Variants in PDZRN3 observed in about 807,000 individuals in gnomAD.
PDZRN3 encodes PDZ domain containing ring finger 3.
PDZRN3 carries 38 observed loss-of-function variants against 85.7 expected under a neutral mutation model. The ratio of observed to expected loss-of-function variants is 0.44; its 90% CI spans 0.34 to 0.58. The LOEUF (loss-of-function observed/expected upper bound fraction) is 0.58. PDZRN3 is among the 20% of genes least tolerant of loss of function. The pLI, the probability that PDZRN3 is intolerant of heterozygous loss-of-function variation, is 0.01. For missense variants in PDZRN3, 1,629 were observed against 1,506.4 expected, an observed-to-expected ratio of 1.08 and a Z score of -1.35; for synonymous variants, 759 against 638.0, an observed-to-expected ratio of 1.19 and a Z score of -2.86.
In PDZRN3 at chr3:73,382,737, C is replaced by T. The variant is rs1293093068; in HGVS notation, c.*628G>A. On this transcript the variant is annotated 3_prime_UTR_variant, in exon 10 of 10. Transcript: ENST00000263666. ...TTCCATAAAGATGCAAGATATTTTG[C>T]TTTCTGCTAAAACCTTTACACTCTC... The T allele has an allele frequency of 6.6e-6, 1 of 152,652 alleles. No individual in the cohort carries two copies. The highest frequency in any genetic ancestry group is 1.5e-5 in the Non-Finnish European group (1 of 68,036). The allele number at this position is 152,652 out of a possible 1,614,324, so 9.5% of individuals were successfully genotyped here. A position where few individuals can be genotyped will look rare whatever the true frequency, so the allele number is the denominator to read the frequency against.
intron 3 of PDZRN3, among the ~76,000 whole-genome samples, chr3:73,567,821 C>T (rs965777982): frequency 6.6e-6 from 1 of 152,180 alleles, no homozygotes; most frequent in Non-Finnish European, 1.5e-5. Context: ...GTATGTCAGG[C>T]ACCTCCCTAG....
intron 2 of PDZRN3, among the ~76,000 whole-genome samples, chr3:73,604,659 A>G (rs1702567251): frequency 6.6e-6 from 1 of 152,224 alleles, no homozygotes; most frequent in African/African-American, 2.4e-5. Flanking sequence ...TGAGTTCCCT[A>G]AGAGGTGATG....
intron 3 of PDZRN3, among the ~76,000 whole-genome samples, chr3:73,457,082 CT>C (rs895419282): frequency 6.6e-6 from 1 of 151,718 alleles, no homozygotes; most frequent in African/African-American, 2.4e-5. Context: ...CCTTAGCTCA[CT>C]TTTTTTTGAG....
intron 3 of PDZRN3, among the ~76,000 whole-genome samples, chr3:73,453,667 T>C (rs1227589485): frequency 2.0e-5 from 3 of 152,050 alleles, no homozygotes; most frequent in Non-Finnish European, 2.9e-5. Flanking sequence ...ACGTTGATAT[T>C]GTAATGCAAA....
intron 4 of PDZRN3, chr3:73,402,612 T>C (rs4677274): frequency 0.75 from 114,731 of 152,200 alleles, 43,937 homozygotes; most frequent in African/African-American, 0.9. Context: ...TACCAGCTGC[T>C]GCCAAACCTA....
chr3:73,426,424 C>G (rs1035977436), intron 3 of PDZRN3, among the ~76,000 whole-genome samples: 2 of 152,152 alleles, frequency 1.3e-5, no homozygotes. Flanking sequence ...TATATTCTCT[C>G]TCCTTTACAG....
chr3:73,481,567 T>C (rs13071988), intron 3 of PDZRN3, among the ~76,000 whole-genome samples: 59,162 of 151,922 alleles, frequency 0.39, 11,935 homozygotes, highest in Non-Finnish European at 0.45. Flanking sequence ...CGACCTCAGG[T>C]GATCTGCCCA....
rs80193157 is a variant in PDZRN3 at position 73,475,906 on chromosome 3, G to C, written c.919-71511C>G. Among the ~76,000 whole-genome samples the C allele has an allele frequency of 7.3e-3, 1,112 of 152,306 alleles. 10 individuals carry two copies. The highest frequency in any genetic ancestry group is 0.025 in the African/African-American group (1,049 of 41,558). On this transcript the variant is annotated intron_variant, in intron 3 of 9. Coordinates refer to ENST00000263666, the MANE Select transcript of PDZRN3 (RefSeq NM_015009.3). ...CAGGAAACACCCTTCAAACATGCAT[G>C]GTGGTTGCACCTACCCGCAAAATGT... is the stretch of plus-strand genomic sequence containing the variant.
Position 73,504,885 on chromosome 3 carries a change from G to C in PDZRN3, c.918+97469C>G, listed in dbSNP as rs573252643. Among the ~76,000 whole-genome samples the C allele has an allele frequency of 2.6e-5, 4 of 152,220 alleles. No homozygotes were observed. In the East Asian group the frequency reaches 7.7e-4, roughly 29 times the overall value. On this transcript the variant is annotated intron_variant, in intron 3 of 9. Transcript: ENST00000263666. ...TAACAACATAATTGATTGACCTGTG[G>C]GGAAATACACAAAAAGGCTTCCTGG... is the stretch of plus-strand genomic sequence containing the variant.
chr3:73,510,024 C>T (rs1467631813), intron 3 of PDZRN3, among the ~76,000 whole-genome samples: 2 of 152,204 alleles, frequency 1.3e-5, no homozygotes, highest in South Asian at 2.1e-4. Flanking sequence ...ATTCATCTGT[C>T]GTACACTGGA....
intron 3 of PDZRN3, among the ~76,000 whole-genome samples, chr3:73,588,894 C>CA (rs1702314757): frequency 6.6e-6 from 1 of 152,144 alleles, no homozygotes; most frequent in Admixed American, 6.5e-5. Context: ...ATGATCGATG[C>CA]AAAATGCTAA....
At chr3:73,470,065 G>A (rs1433395502) in intron 3 of PDZRN3, among the ~76,000 whole-genome samples, 1 of 151,986 alleles carries the variant, frequency 6.6e-6, no homozygotes, top group Non-Finnish European at 1.5e-5. Flanking sequence ...TGTTCCTTGG[G>A]GGCAAAATTG....
At chr3:73,569,408 T>A in intron 3 of PDZRN3, 1 of 1,158,834 alleles carries the variant, frequency 8.6e-7, no homozygotes, top group Non-Finnish European at 1.1e-6. Flanking sequence ...TGTACAAGAG[T>A]ACATATTTCC....
intron 3 of PDZRN3, 132 bp from the exon 4 acceptor site, chr3:73,404,527 G>C (rs1297954564): frequency 6.5e-6 from 6 of 921,566 alleles, no homozygotes; most frequent in Non-Finnish European, 8.2e-6. Context: ...GAGAACTTCA[G>C]TTCTCTGTGT....
chr3:73,465,429 T>C (rs188817394), intron 3 of PDZRN3, among the ~76,000 whole-genome samples: 1 of 152,292 alleles, frequency 6.6e-6, no homozygotes, highest in East Asian at 1.9e-4. Context: ...AGCTACCTGT[T>C]TCCAGCCTGC....
intron 3 of PDZRN3, among the ~76,000 whole-genome samples, chr3:73,579,760 T>C (rs566183273): frequency 3.3e-5 from 5 of 152,298 alleles, no homozygotes; most frequent in Admixed American, 3.3e-4. Context: ...GAGAGGTTAT[T>C]TTGTAAATCA....
chr3:73,580,987 C>T (rs1173266528), intron 3 of PDZRN3, among the ~76,000 whole-genome samples: 1 of 152,218 alleles, frequency 6.6e-6, no homozygotes, highest in African/African-American at 2.4e-5. Flanking sequence ...ATACCAGAAG[C>T]AACCAGCAAC....
chr3:73,492,252 C>G (rs1370561939), intron 3 of PDZRN3, among the ~76,000 whole-genome samples: 1 of 152,112 alleles, frequency 6.6e-6, no homozygotes, highest in Admixed American at 6.5e-5. Flanking sequence ...TCTGTCTTCT[C>G]GTGCAAAAAT....
At chr3:73,397,433 G>A (rs963903614) in intron 5 of PDZRN3, among the ~76,000 whole-genome samples, 13 of 152,196 alleles carry the variant, frequency 8.5e-5, no homozygotes, top group Non-Finnish European at 1.2e-4. Context: ...GAATCTAGAA[G>A]GCAGACTGCG....
Sources: allele counts gnomAD v4.1 joint callset (sites outside exome capture counted in the v4.1 genomes callset), GRCh38; gene constraint gnomAD v4.1.1; transcripts MANE v1.5; gene names NCBI Gene and HGNC (gene_info 2026-07-23, HGNC 2026-07-21).